ADARB2: variants seen among roughly 807,000 people sequenced by gnomAD.
The protein encoded by ADARB2 is adenosine deaminase RNA specific B2 (inactive), also known as inactive double-stranded RNA-specific editase B2.
Under a neutral mutation model 62.2 loss-of-function variants are expected in ADARB2, and 25 were observed. The ratio of observed to expected loss-of-function variants is 0.40; its 90% CI spans 0.29 to 0.56. The LOEUF (loss-of-function observed/expected upper bound fraction) is 0.56, where lower values mean the gene tolerates loss of function less well. ADARB2 is among the 20% of genes least tolerant of loss of function. The pLI is 0.43. For missense variants in ADARB2, 1,071 were observed against 1,077.4 expected, an observed-to-expected ratio of 0.99 and a Z score of 0.08; for synonymous variants, 572 against 500.8, an observed-to-expected ratio of 1.14 and a Z score of -1.90.
intron 3 of ADARB2, among the ~76,000 whole-genome samples, chr10:1,332,487 T>TTTG (rs1831938931): frequency 6.7e-6 from 1 of 150,136 alleles, no homozygotes; most frequent in African/African-American, 2.4e-5. Context: ...TTTTGTTTTT[T>TTTG]TTTTTTTTGC....
intron 1 of ADARB2, among the ~76,000 whole-genome samples, chr10:1,616,410 T>C (rs1833635415): frequency 1.3e-5 from 2 of 151,960 alleles, no homozygotes; most frequent in South Asian, 2.1e-4. Context: ...CTCTGCATCC[T>C]GGGAACTGGC....
intron 1 of ADARB2, among the ~76,000 whole-genome samples, chr10:1,616,984 A>G (rs12773133): frequency 8.1e-4 from 86 of 106,122 alleles, no homozygotes; most frequent in African/African-American, 1.2e-3. Context: ...TCAGAGGGTT[A>G]CATTCTGTCG....
At chr10:1,348,786 C>G (rs1025468617) in intron 3 of ADARB2, among the ~76,000 whole-genome samples, 2 of 152,214 alleles carry the variant, frequency 1.3e-5, no homozygotes, top group African/African-American at 4.8e-5. Flanking sequence ...GAGGCCAACG[C>G]TGGGAGCTGA....
intron 1 of ADARB2, among the ~76,000 whole-genome samples, chr10:1,480,284 A>G (rs1430190504): frequency 6.6e-6 from 1 of 152,284 alleles, no homozygotes; most frequent in Non-Finnish European, 1.5e-5. Flanking sequence ...CATATGTAGA[A>G]AAACTAAAAG....
At chr10:1,377,978 C>A (rs1588238191) in intron 2 of ADARB2, among the ~76,000 whole-genome samples, 4 of 152,292 alleles carry the variant, frequency 2.6e-5, no homozygotes, top group African/African-American at 7.2e-5. Context: ...GTTGGTCTGA[C>A]CAGCAATCCC....
At chr10:1,382,706 C>T (rs1588239608) in intron 1 of ADARB2, among the ~76,000 whole-genome samples, 1 of 143,172 alleles carries the variant, frequency 7.0e-6, no homozygotes, top group African/African-American at 2.6e-5. Context: ...GGATGCCATA[C>T]TTTTTTTTTT....
chr10:1,502,622 T>A (rs567973478), intron 1 of ADARB2, among the ~76,000 whole-genome samples: 2 of 152,376 alleles, frequency 1.3e-5, no homozygotes, highest in Admixed American at 1.3e-4. Flanking sequence ...CAGTCCTGCC[T>A]CTGTCAGGGC....
intron 3 of ADARB2, among the ~76,000 whole-genome samples, chr10:1,327,984 C>CA (rs1831891436): frequency 4.6e-5 from 7 of 151,990 alleles, no homozygotes; most frequent in East Asian, 1.9e-4. Context: ...CTCCTCACAG[C>CA]GCCTCCCCAC....
Position 1,184,940 on chromosome 10 carries a change from G to A in ADARB2, c.1964C>T (p.Thr655Ile). Reference protein sequence around the residue: ...SADLEIINATTGRRSCGGPSR... With the variant: ...SADLEIINATIGRRSCGGPSR... ...TGGGCCCCCACAGCTCCTCCGCCCAGTGGTGGCGTTGATAATCTCCAGGTC... is the reference window on the plus strand; with the variant it reads ...TGGGCCCCCACAGCTCCTCCGCCCAATGGTGGCGTTGATAATCTCCAGGTC... The change falls in exon 9 of 10, where the codon ACT becomes ATT. Residue 655 changes from threonine (T) to isoleucine (I), a missense_variant. Transcript: ENST00000381312. 1.2e-6 allele frequency: 2 copies of A among 1,613,966 alleles called. No homozygotes were observed. The highest frequency in any genetic ancestry group is 2.7e-5 in the African/African-American group (2 of 75,074).
At position 1,363,274 on chromosome 10, in the gene ADARB2, G is replaced by T. The variant is rs1832278432; in HGVS notation, c.831C>A (p.Arg277=). The part of the protein sequence containing the change: ...TPATPAAPGE[R]NPVVLLNRLR... ...GGCGGTTCAGCAGCACCACGGGGTT[G>T]CGCTCGCCCGGGGCCGCGGGGGTGG... The change falls in exon 3 of 10, where the codon CGC becomes CGA. Residue 277 remains arginine (R), a synonymous_variant. Coordinates refer to ENST00000381312, the MANE Select transcript of ADARB2 (RefSeq NM_018702.4). 2 of 1,256,762 alleles carry T rather than the reference G, an allele frequency of 1.6e-6. No individual in the cohort carries two copies. The highest frequency in any genetic ancestry group is 6.5e-5 in the East Asian group (2 of 30,778). 77.9% of individuals were successfully genotyped at this position (1,256,762 alleles called of 1,614,324 possible). A position where few individuals can be genotyped will look rare whatever the true frequency, so the allele number is the denominator to read the frequency against.
intron 3 of ADARB2, among the ~76,000 whole-genome samples, chr10:1,305,071 G>T (rs1220551791): frequency 2.4e-5 from 3 of 123,650 alleles, no homozygotes; most frequent in Admixed American, 8.9e-5. Flanking sequence ...CTGAAGGAAA[G>T]AGAGACACAA....
intron 1 of ADARB2, among the ~76,000 whole-genome samples, chr10:1,626,326 G>GCTCA (rs1833768915): frequency 1.3e-5 from 1 of 75,344 alleles, no homozygotes; most frequent in African/African-American, 4.5e-5. Context: ...GTCTGCCCAT[G>GCTCA]CTCTCTCCTG....
intron 1 of ADARB2, among the ~76,000 whole-genome samples, chr10:1,702,531 C>G (rs74964334): frequency 6.6e-6 from 1 of 152,212 alleles, no homozygotes; most frequent in Admixed American, 6.5e-5. Context: ...CACTCTCTTC[C>G]CTTTTCTCTC....
chr10:1,258,094 TCTC>T (rs1055686130), intron 4 of ADARB2, among the ~76,000 whole-genome samples: 17 of 152,228 alleles, frequency 1.1e-4, no homozygotes, highest in South Asian at 2.1e-4. Flanking sequence ...CTTTCTTCCT[TCTC>T]CTTCCCTTTC....
intron 6 of ADARB2, among the ~76,000 whole-genome samples, chr10:1,224,864 G>T (rs934460590): frequency 6.6e-6 from 1 of 152,120 alleles, no homozygotes; most frequent in South Asian, 2.1e-4. Context: ...AGTAGGTGTG[G>T]TGTGGTGCTG....
intron 1 of ADARB2, among the ~76,000 whole-genome samples, chr10:1,582,012 C>T (rs1279739461): frequency 6.6e-6 from 1 of 152,184 alleles, no homozygotes; most frequent in Non-Finnish European, 1.5e-5. Context: ...GGTTGACACT[C>T]GAGCTGCATA....
At chr10:1,657,124 G>T (rs1422690155) in intron 1 of ADARB2, among the ~76,000 whole-genome samples, 1 of 151,992 alleles carries the variant, frequency 6.6e-6, no homozygotes, top group African/African-American at 2.4e-5. Flanking sequence ...ACCATAGAAA[G>T]CATGCAGCCT....
chr10:1,401,084 C>T (rs143198748), intron 1 of ADARB2, among the ~76,000 whole-genome samples: 137 of 152,290 alleles, frequency 9.0e-4, no homozygotes, highest in African/African-American at 3.2e-3. Flanking sequence ...AGGGCCCCAG[C>T]CTGGCATGAA....
intron 1 of ADARB2, among the ~76,000 whole-genome samples, chr10:1,735,294 C>A (rs910893002): frequency 1.3e-5 from 2 of 152,170 alleles, no homozygotes; most frequent in African/African-American, 4.8e-5. Context: ...AAGTTTATAG[C>A]AAATGAAGTC....
Sources: allele counts gnomAD v4.1 joint callset (sites outside exome capture counted in the v4.1 genomes callset), GRCh38; gene constraint gnomAD v4.1.1; transcripts MANE v1.5; gene names NCBI Gene and HGNC (gene_info 2026-07-23, HGNC 2026-07-21).